The following QTRT2 variants were observed in gnomAD, a reference collection of about 807,000 sequenced individuals.
The protein encoded by QTRT2 is queuine tRNA-ribosyltransferase domain containing 1.
QTRT2 carries 32 observed loss-of-function variants against 44.8 expected under a neutral mutation model. The observed-to-expected ratio is 0.71, with a 90% CI of 0.54 to 0.96. The LOEUF is 0.96. QTRT2 is among the 40% of genes least tolerant of loss of function. The pLI is 0.00. For missense variants in QTRT2, 461 were observed against 503.1 expected, an observed-to-expected ratio of 0.92 and a Z score of 0.80; for synonymous variants, 182 against 187.4, an observed-to-expected ratio of 0.97 and a Z score of 0.24.
intron 6 of QTRT2, among the ~76,000 whole-genome samples, chr3:114,076,218 A>G (rs902550131): frequency 6.6e-6 from 1 of 152,116 alleles, no homozygotes; most frequent in Non-Finnish European, 1.5e-5. Context: ...CCTGGATGGA[A>G]TGCAGTGGCA....
At chr3:114,077,362 C>A in intron 7 of QTRT2, 1 of 167,288 alleles carries the variant, frequency 6.0e-6, no homozygotes, top group Admixed American at 5.7e-5. Flanking sequence ...GCTCCACCAA[C>A]AAGAACTTAA....
intron 9 of QTRT2, among the ~76,000 whole-genome samples, chr3:114,085,270 C>T (rs188365202): frequency 2.6e-5 from 4 of 152,048 alleles, no homozygotes; most frequent in East Asian, 1.9e-4. Context: ...TGCAGTGGTG[C>T]GATCTTGGCT....
intron 8 of QTRT2, among the ~76,000 whole-genome samples, chr3:114,080,998 T>C (rs2077159005): frequency 6.6e-6 from 1 of 152,240 alleles, no homozygotes. Flanking sequence ...ATATAATGTA[T>C]GTGGATAGGT....
chr3:114,086,909 A>G lies in QTRT2; in HGVS notation c.*1005A>G, dbSNP rs2077243460. ...AAATTGGAAGAACAAAAAGTTTTAG[A>G]TTAGAGTCATAGCCTTAATAGCCCT... On this transcript the variant is annotated 3_prime_UTR_variant, in exon 10 of 10. Coordinates refer to ENST00000281273, the MANE Select transcript of QTRT2 (RefSeq NM_024638.4). 6.6e-6 allele frequency: 1 copy of G among 152,224 alleles called. No homozygotes were observed. The highest frequency in any genetic ancestry group is 1.9e-4 in the East Asian group (1 of 5,200). 9.4% of individuals were successfully genotyped at this position (152,224 alleles called of 1,614,324 possible).
At chr3:114,070,325 G>A (rs2077007994) in intron 5 of QTRT2, among the ~76,000 whole-genome samples, 1 of 152,110 alleles carries the variant, frequency 6.6e-6, no homozygotes, top group Non-Finnish European at 1.5e-5. Context: ...TGTGATCAAA[G>A]TCTGTGGTAT....
intron 8 of QTRT2, among the ~76,000 whole-genome samples, chr3:114,081,660 A>C (rs1410547308): frequency 2.0e-5 from 3 of 151,996 alleles, no homozygotes; most frequent in South Asian, 2.1e-4. Flanking sequence ...CTGGTTGTGC[A>C]CTCCTGACCT....
intron 2 of QTRT2, among the ~76,000 whole-genome samples, chr3:114,060,468 ATAGATAGG>A (rs1455663554): frequency 7.3e-6 from 1 of 137,364 alleles, no homozygotes; most frequent in African/African-American, 2.8e-5. Context: ...CAAACCCCAG[ATAGATAGG>A]TAGGTAGGTA....
At chr3:114,083,344 TTGTTG>T (rs1216977921) in intron 9 of QTRT2, among the ~76,000 whole-genome samples, 2 of 150,982 alleles carry the variant, frequency 1.3e-5, no homozygotes, top group African/African-American at 2.4e-5. Flanking sequence ...GTTGTTGTTG[TTGTTG>T]TGTTTTAGAA....
chr3:114,067,824 A>G (rs1184581546), intron 4 of QTRT2, among the ~76,000 whole-genome samples, 163 bp from the exon 5 acceptor site: 1 of 152,204 alleles, frequency 6.6e-6, no homozygotes, highest in Non-Finnish European at 1.5e-5. Flanking sequence ...ATCTTTTTAT[A>G]CATATTGATA....
At chr3:114,085,357 G>A (rs1208934029) in intron 9 of QTRT2, among the ~76,000 whole-genome samples, 1 of 152,014 alleles carries the variant, frequency 6.6e-6, no homozygotes, top group African/African-American at 2.4e-5. Flanking sequence ...ACAGGCACGC[G>A]CCACCATGCC....
chr3:114,057,140 C>T (rs2076805502), intron 2 of QTRT2, 34 bp downstream of exon 2: 1 of 1,174,300 alleles, frequency 8.5e-7, no homozygotes, highest in Non-Finnish European at 1.1e-6. Flanking sequence ...TTCCGAACTG[C>T]CCATGGGAGG....
intron 4 of QTRT2, 98 bp from the exon 5 acceptor site, chr3:114,067,889 T>A (rs1296870362): frequency 5.1e-6 from 5 of 984,778 alleles, no homozygotes; most frequent in Non-Finnish European, 8.1e-6. Flanking sequence ...TTAGAGTTGC[T>A]TTATTCAGCA....
intron 6 of QTRT2, 135 bp downstream of exon 6, chr3:114,070,973 T>G: frequency 1.5e-6 from 1 of 678,440 alleles, no homozygotes; most frequent in Non-Finnish European, 2.4e-6. Context: ...CTATTTTTAT[T>G]TTCTTTTTGA....
chr3:114,084,714 C>T (rs1173142820), intron 9 of QTRT2, among the ~76,000 whole-genome samples: 1 of 152,150 alleles, frequency 6.6e-6, no homozygotes, highest in Non-Finnish European at 1.5e-5. Flanking sequence ...ACTGTTATTA[C>T]CTTTGGTTCA....
At chr3:114,059,040 C>T (rs2076848280) in intron 2 of QTRT2, among the ~76,000 whole-genome samples, 1 of 152,170 alleles carries the variant, frequency 6.6e-6, no homozygotes, top group South Asian at 2.1e-4. Flanking sequence ...AAATTTTGGA[C>T]ATTTCCATGG....
chr3:114,083,060 G>A (rs1216234257), intron 9 of QTRT2: 8 of 415,168 alleles, frequency 1.9e-5, no homozygotes, highest in Admixed American at 7.7e-5. Context: ...ATTGTTTGGC[G>A]TCTTGTATTC....
At chr3:114,072,433 G>A (rs2077036538) in intron 6 of QTRT2, among the ~76,000 whole-genome samples, 2 of 152,198 alleles carry the variant, frequency 1.3e-5, no homozygotes, top group Admixed American at 1.3e-4. Flanking sequence ...GTGTCATTCT[G>A]TAGAACTGGT....
chr3:114,066,293 A>C lies in QTRT2; in HGVS notation c.256+10A>C, dbSNP rs752250868. The C allele has an allele frequency of 6.5e-7, 1 of 1,534,150 alleles. No homozygotes were observed. Among genetic ancestry groups the C allele is most frequent in the South Asian group, 1.1e-5 (1 of 89,462 alleles). ...GTTGGAAAGTTTATAGGTAAAAATT[A>C]AGTTACTTATATGTGCCTTGTGATG... On this transcript the variant is annotated intron_variant, in intron 4 of 9. Coordinates refer to ENST00000281273, the MANE Select transcript of QTRT2 (RefSeq NM_024638.4).
chr3:114,064,029 A>G (rs1230172297), intron 2 of QTRT2, among the ~76,000 whole-genome samples: 4 of 152,116 alleles, frequency 2.6e-5, no homozygotes, highest in Admixed American at 1.3e-4. Flanking sequence ...AGCCTGGCCA[A>G]CATGGTGAAA....
Sources: gnomAD v4.1 joint callset for allele counts (sites outside exome capture counted in the v4.1 genomes callset) on GRCh38, gnomAD v4.1.1 for gene constraint, MANE v1.5 for transcripts, NCBI Gene and HGNC (gene_info 2026-07-23, HGNC 2026-07-21) for gene names.